The following PSMB7 variants were observed in gnomAD, a reference collection of about 807,000 sequenced individuals.
The protein encoded by PSMB7 is proteasome 20S subunit beta 7.
PSMB7 carries 5 observed loss-of-function variants against 28.1 expected under a neutral mutation model. That is an observed-to-expected ratio of 0.18 (90% CI 0.09 to 0.37). The LOEUF is 0.37. Among genes scored for constraint, PSMB7 ranks in the 10% least tolerant of loss-of-function variants. PSMB7 has a pLI of 1.00. For synonymous variants in PSMB7, 122 were observed against 123.7 expected (o/e 0.99, Z 0.09); for missense variants, 275 against 346.2 (o/e 0.79, Z 1.63).
intron 5 of PSMB7, among the ~76,000 whole-genome samples, chr9:124,397,977 G>A (rs376679363): frequency 4.6e-5 from 7 of 152,144 alleles, no homozygotes; most frequent in African/African-American, 1.7e-4. Flanking sequence ...AGACCAGCCT[G>A]GCCAACACGG....
At chr9:124,357,569 G>T (rs1830422327) in intron 6 of PSMB7, among the ~76,000 whole-genome samples, 2 of 152,198 alleles carry the variant, frequency 1.3e-5, no homozygotes, top group African/African-American at 4.8e-5. Flanking sequence ...GAACCTATAG[G>T]TTCACTGAAG....
chr9:124,390,872 T>C (rs2131166968), intron 5 of PSMB7, among the ~76,000 whole-genome samples: 1 of 152,216 alleles, frequency 6.6e-6, no homozygotes, highest in Non-Finnish European at 1.5e-5. Context: ...TTCCTTACAT[T>C]TGTATACAAG....
At chr9:124,412,777 G>GTGTAC (rs1831042393) in intron 3 of PSMB7, among the ~76,000 whole-genome samples, 1 of 152,140 alleles carries the variant, frequency 6.6e-6, no homozygotes. Flanking sequence ...ATATATCCAA[G>GTGTAC]TTGTACAGAA....
intron 4 of PSMB7, among the ~76,000 whole-genome samples, chr9:124,410,032 G>A (rs1300823171): frequency 7.3e-6 from 1 of 136,796 alleles, no homozygotes; most frequent in Non-Finnish European, 1.5e-5. Context: ...TTTTTGAGAC[G>A]GAGTCTCGCA....
chr9:124,381,523 C>T (rs1830664301), intron 6 of PSMB7, among the ~76,000 whole-genome samples: 1 of 152,206 alleles, frequency 6.6e-6, no homozygotes, highest in African/African-American at 2.4e-5. Context: ...TCTTTCCACA[C>T]TGAAAGGAAA....
At chr9:124,360,070 T>C (rs1450976149) in intron 6 of PSMB7, among the ~76,000 whole-genome samples, 1 of 152,240 alleles carries the variant, frequency 6.6e-6, no homozygotes, top group African/African-American at 2.4e-5. Flanking sequence ...ATACTGTCTC[T>C]GACTACAGTA....
At chr9:124,387,741 C>T (rs1830740987) in intron 5 of PSMB7, among the ~76,000 whole-genome samples, 3 of 152,170 alleles carry the variant, frequency 2.0e-5, no homozygotes, top group African/African-American at 7.2e-5. Flanking sequence ...AACCTGTCAA[C>T]AGGTTTGTAG....
At chr9:124,387,759 T>C (rs1830741174) in intron 5 of PSMB7, among the ~76,000 whole-genome samples, 1 of 152,204 alleles carries the variant, frequency 6.6e-6, no homozygotes, top group African/African-American at 2.4e-5. Flanking sequence ...TAGATACCTC[T>C]GAATGTGTGT....
At chr9:124,392,860 A>C (rs1830802868) in intron 5 of PSMB7, among the ~76,000 whole-genome samples, 2 of 152,200 alleles carry the variant, frequency 1.3e-5, no homozygotes, top group African/African-American at 4.8e-5. Flanking sequence ...TTAAGCAGCC[A>C]AGGACCTGTT....
intron 6 of PSMB7, among the ~76,000 whole-genome samples, chr9:124,368,134 C>A (rs985479631): frequency 6.6e-6 from 1 of 152,182 alleles, no homozygotes; most frequent in African/African-American, 2.4e-5. Context: ...TAAAAAGACA[C>A]AGAAAAAGAA....
intron 6 of PSMB7, among the ~76,000 whole-genome samples, chr9:124,375,421 C>T (rs1303271538): frequency 6.6e-6 from 1 of 152,182 alleles, no homozygotes; most frequent in Admixed American, 6.5e-5. Context: ...GTCTTGGCCT[C>T]CCAGCATGCT....
chr9:124,399,107 A>T (rs796174907), intron 5 of PSMB7, among the ~76,000 whole-genome samples: 7 of 152,180 alleles, frequency 4.6e-5, no homozygotes, highest in African/African-American at 1.7e-4. Context: ...AACCAACTGC[A>T]TTCCAGGGGT....
chr9:124,355,508 G>A (rs1232504610), intron 7 of PSMB7, among the ~76,000 whole-genome samples: 4 of 152,094 alleles, frequency 2.6e-5, no homozygotes, highest in Admixed American at 6.5e-5. Context: ...CCCCATCACC[G>A]CTTCACCATG....
At chr9:124,371,885 G>A (rs1385599468) in intron 6 of PSMB7, among the ~76,000 whole-genome samples, 3 of 152,108 alleles carry the variant, frequency 2.0e-5, no homozygotes, top group East Asian at 3.9e-4. Context: ...GAAGTTTTTT[G>A]CTTGCTGGAC....
At position 124,415,397 on chromosome 9, in the gene PSMB7, G is replaced by A; in HGVS notation, c.29C>T (p.Pro10Leu). The change falls in exon 1 of 8, where the codon CCA (proline) becomes CTA (leucine). Residue 10 changes from proline to leucine, a missense_variant. Pro to Leu is a moderately conservative substitution (Grantham distance 98). This residue lies in a region of PSMB7 where 62 missense variants were observed against 43.9 expected (regional missense o/e 1.41). Transcript: ENST00000259457. ...GTTATCAAAAGAGAAGCCTCCAACTGGTGGAGCATACACCGACACAGCCGC... is the reference window on the plus strand; with the variant it reads ...GTTATCAAAAGAGAAGCCTCCAACTAGTGGAGCATACACCGACACAGCCGC... MAAVSVYAP[P>L]VGGFSFDNCR... The A allele has an allele frequency of 6.2e-7, 1 of 1,614,150 alleles. No individual in the cohort carries two copies. The highest frequency in any genetic ancestry group is 8.5e-7 in the Non-Finnish European group (1 of 1,180,028).
At chr9:124,386,478 A>C (rs1481553974) in intron 5 of PSMB7, among the ~76,000 whole-genome samples, 1 of 152,216 alleles carries the variant, frequency 6.6e-6, no homozygotes, top group Non-Finnish European at 1.5e-5. Context: ...TTTTGTGTGG[A>C]AAGCGAAAGA....
Position 124,412,500 on chromosome 9 carries a change from A to G in PSMB7, c.255-8T>C, listed in dbSNP as rs1336421793. ...GTCCCAGCACCACAACAACTGAAAA[A>G]TCCAATTAGAAACTTAGCTGAAATC... On this transcript the variant is annotated splice_polypyrimidine_tract_variant and splice_region_variant and intron_variant, in intron 3 of 7. Coordinates refer to ENST00000259457, the MANE Select transcript of PSMB7 (RefSeq NM_002799.4). The G allele has an allele frequency of 6.2e-7, 1 of 1,613,046 alleles. No individual in the cohort carries two copies. The highest frequency in any genetic ancestry group is 8.5e-7 in the Non-Finnish European group (1 of 1,179,484).
At chr9:124,410,960 C>G (rs756483665) in intron 4 of PSMB7, among the ~76,000 whole-genome samples, 6 of 152,020 alleles carry the variant, frequency 3.9e-5, no homozygotes, top group Non-Finnish European at 8.8e-5. Flanking sequence ...TTTCAAAAGA[C>G]AGAAATCTAG....
intron 4 of PSMB7, among the ~76,000 whole-genome samples, chr9:124,409,861 G>GT (rs1831010006): frequency 4.6e-5 from 7 of 152,218 alleles, no homozygotes; most frequent in Admixed American, 3.9e-4. Flanking sequence ...CTCATTTTAT[G>GT]TAACTCACCA....
Sources: gnomAD v4.1 joint callset for allele counts (sites outside exome capture counted in the v4.1 genomes callset) on GRCh38, gnomAD v4.1.1 for gene constraint, gnomAD v4.1.1 regional missense constraint, MANE v1.5 for transcripts, NCBI Gene and HGNC (gene_info 2026-07-23, HGNC 2026-07-21) for gene names.